Variants in SFI1 observed in about 807,000 individuals in gnomAD.
The protein encoded by SFI1 is SFI1 centrin binding protein, also known as protein SFI1 homolog.
SFI1 carries 195 observed loss-of-function variants against 207.5 expected under a neutral mutation model. The observed-to-expected ratio is 0.94, with a 90% confidence interval of 0.84 to 1.06. The LOEUF (loss-of-function observed/expected upper bound fraction) is 1.06. Among genes scored for constraint, SFI1 ranks in the 50% least tolerant of loss-of-function variants. The pLI is 0.00. For missense variants in SFI1, 1,634 were observed against 1,588.0 expected (o/e 1.03, Z -0.49); for synonymous variants, 630 against 598.9 (o/e 1.05, Z -0.76).
intron 7 of SFI1, among the ~76,000 whole-genome samples, chr22:31,557,426 C>T (rs1056039324): frequency 1.4e-4 from 22 of 151,738 alleles, no homozygotes; most frequent in African/African-American, 5.1e-4. Flanking sequence ...TGGGCTCAAG[C>T]GATCTGCCCA....
intron 14 of SFI1, among the ~76,000 whole-genome samples, chr22:31,586,499 C>T (rs2065044381): frequency 6.6e-6 from 1 of 152,234 alleles, no homozygotes; most frequent in Non-Finnish European, 1.5e-5. Flanking sequence ...GTCGATAGAG[C>T]TTGGATGCTA....
Position 31,533,044 on chromosome 22 carries a change from G to A in SFI1, c.338+1915G>A, listed in dbSNP as rs981526127. On this transcript the variant is annotated intron_variant, in intron 4 of 32. Transcript: ENST00000400288. ...AATAGAGGCGTTAACATGATCCAAG[G>A]GTGGAGTTTTTGGCCCTCAGGCATC... Among the ~76,000 whole-genome samples the A allele has an allele frequency of 3.3e-5, 5 of 152,132 alleles. 1 individual carries two copies. In the South Asian group the frequency reaches 1.0e-3, roughly 32 times the overall value.
intron 22 of SFI1, 24 bp from the exon 23 acceptor site, chr22:31,611,119 A>C (rs758591047): frequency 6.2e-7 from 1 of 1,614,134 alleles, no homozygotes; most frequent in Non-Finnish European, 8.5e-7. Context: ...CAAAACAGCA[A>C]ACTCTGACTT....
At chr22:31,576,307 G>A (rs1035447427) in intron 10 of SFI1, among the ~76,000 whole-genome samples, 1 of 148,860 alleles carries the variant, frequency 6.7e-6, no homozygotes, top group African/African-American at 2.5e-5. Flanking sequence ...TTACAGGCAT[G>A]AGCCAGCGTA....
intron 2 of SFI1, among the ~76,000 whole-genome samples, chr22:31,511,849 G>A (rs942349112): frequency 2.6e-5 from 4 of 151,818 alleles, no homozygotes; most frequent in African/African-American, 7.3e-5. Context: ...AAGGAGCTTC[G>A]CCATGTTGGT....
intron 27 of SFI1, 179 bp downstream of exon 27, chr22:31,614,034 A>T: frequency 1.2e-6 from 1 of 813,792 alleles, no homozygotes; most frequent in Non-Finnish European, 1.8e-6. Flanking sequence ...GGCAAGAGGG[A>T]GAGAATGGAG....
rs1185966540 is a variant in SFI1 at position 31,602,637 on chromosome 22, T to C, written c.1657T>C (p.Tyr553His). Residue 553 changes from tyrosine to histidine, a missense_variant, in exon 17 of 33, where the codon TAT (tyrosine) becomes CAT (histidine). By Grantham distance (83) the Tyr-to-His change is moderately conservative (BLOSUM62 2). Transcript: ENST00000400288. ...AILHAERQLL[Y>H]RSWFMWHQQA... is the part of the protein sequence containing the mutation. Reference sequence around the variant, plus strand: ...CCTTCACGCAGAGCGACAGCTTCTGTATAGGTCTTGGTTCATGTGGCACCA... The same window carrying C: ...CCTTCACGCAGAGCGACAGCTTCTGCATAGGTCTTGGTTCATGTGGCACCA... 4 of 1,614,046 alleles carry C rather than the reference T, an allele frequency of 2.5e-6. No homozygotes were observed. The African/African-American group carries it at 5.3e-5, about 22-fold the overall frequency.
At chr22:31,506,754 T>C (rs1237858090) in intron 1 of SFI1, among the ~76,000 whole-genome samples, 1 of 152,160 alleles carries the variant, frequency 6.6e-6, no homozygotes, top group Non-Finnish European at 1.5e-5. Context: ...GAATTCCTAT[T>C]CACAGTTGCC....
At chr22:31,586,629 G>T (rs62237801) in intron 14 of SFI1, among the ~76,000 whole-genome samples, 6,909 of 152,266 alleles carry the variant, frequency 0.045, 136 homozygotes, top group African/African-American at 0.053. Flanking sequence ...ATTGCCACTT[G>T]TTATCTTAAG....
In SFI1 at chr22:31,615,162, T is replaced by C; in HGVS notation, c.3183T>C (p.Pro1061=). Reference sequence around the variant, plus strand: ...CACTGGTCCCACACAGCCCCCTGCCTGGGGCCCTGTCAAGCGCCCCTGGCC... The same window carrying C: ...CACTGGTCCCACACAGCCCCCTGCCCGGGGCCCTGTCAAGCGCCCCTGGCC... ...PTALVPHSPL[P]GALSSAPGPK... Residue 1061 remains proline, a synonymous_variant, in exon 29 of 33, where the codon CCT becomes CCC. Transcript: ENST00000400288. 4 of 1,605,834 alleles carry C rather than the reference T, an allele frequency of 2.5e-6. No individual in the cohort carries two copies. The South Asian group carries it at 4.4e-5, about 18-fold the overall frequency.
At position 31,618,145 on chromosome 22, in the gene SFI1, CA is replaced by C. The variant is rs757145483; in HGVS notation, c.3544del (p.Arg1182GlyfsTer5). 1.3e-6 allele frequency: 2 copies of C among 1,586,564 alleles called. No individual in the cohort carries two copies. Among genetic ancestry groups the C allele is most frequent in the East Asian group, 4.5e-5 (2 of 43,972 alleles). ...SCRRQASSLR[R>X]WLELNREEPG... ...GTCGGCGGCAAGCGAGCAGCCTGCG[CA>C]GGTGGCTGGAGCTGAACAGAGAGGA... is the stretch of plus-strand genomic sequence containing the variant. On this transcript the variant is annotated frameshift_variant, in exon 32 of 33. Coordinates refer to ENST00000400288, the MANE Select transcript of SFI1 (RefSeq NM_001007467.3). LOFTEE classifies it high-confidence loss of function.
intron 27 of SFI1, 134 bp from the exon 28 acceptor site, chr22:31,614,655 A>G (rs2071046974): frequency 1.0e-6 from 1 of 992,820 alleles, no homozygotes; most frequent in Non-Finnish European, 1.6e-6. Context: ...GGCCCACCCC[A>G]GCTTACTTGC....
chr22:31,511,201 C>T (rs1253656522), intron 2 of SFI1, among the ~76,000 whole-genome samples: 1 of 152,016 alleles, frequency 6.6e-6, no homozygotes, highest in East Asian at 1.9e-4. Context: ...TTGGTTGATC[C>T]AGCAAGGGTC....
At position 31,546,842 on chromosome 22, in the gene SFI1, GA is replaced by G; in HGVS notation, c.339-18del. The G allele has an allele frequency of 1.4e-6, 2 of 1,404,438 alleles. No homozygotes were observed. The highest frequency in any genetic ancestry group is 2.0e-6 in the Non-Finnish European group (2 of 1,008,304). The allele number at this position is 1,404,438 out of a possible 1,614,324, so 87.0% of individuals were successfully genotyped here. The stretch of plus-strand genomic sequence containing the variant: ...CTCCAACATCATCATATATATATAT[GA>G]TTTTTTTTTTGCCGTAGATTTTACT... On this transcript the variant is annotated intron_variant, in intron 4 of 32. Transcript: ENST00000400288.
Position 31,617,025 on chromosome 22 carries a change from TGAG to T in SFI1, c.3463_3465del (p.Glu1155del), listed in dbSNP as rs758298422. On this transcript the variant is annotated inframe_deletion, in exon 31 of 33. Transcript: ENST00000400288. The stretch of plus-strand genomic sequence containing the variant: ...GCAGCCTGGACCTTGAGGCTGAACT[TGAG>T]GAGATCCAGCAGCAACTACTGCACT... The T allele has an allele frequency of 2.7e-5, 43 of 1,613,876 alleles. No homozygotes were observed. The highest frequency in any genetic ancestry group is 3.3e-5 in the Non-Finnish European group (39 of 1,180,018).
chr22:31,553,838 GTTTTTTTTTTTTT>G (rs58333559), intron 6 of SFI1, among the ~76,000 whole-genome samples: 6 of 26,308 alleles, frequency 2.3e-4, no homozygotes, highest in Admixed American at 2.1e-3. Flanking sequence ...AATGGATTAT[GTTTTTTTTTTTTT>G]TTTTTTTTTT....
intron 12 of SFI1, among the ~76,000 whole-genome samples, 156 bp downstream of exon 12, chr22:31,580,520 T>G (rs941142345): frequency 1.3e-5 from 2 of 151,506 alleles, no homozygotes; most frequent in Admixed American, 1.3e-4. Flanking sequence ...TTAGTTTGCA[T>G]TTTCTTTCTT....
intron 22 of SFI1, among the ~76,000 whole-genome samples, chr22:31,610,057 G>A (rs910843056): frequency 2.6e-5 from 4 of 152,196 alleles, no homozygotes; most frequent in Non-Finnish European, 5.9e-5. Context: ...TGGGAGACTG[G>A]GCTGCAAGAC....
intron 23 of SFI1, 43 bp from the exon 24 acceptor site, chr22:31,611,723 G>T: frequency 6.3e-7 from 1 of 1,591,726 alleles, no homozygotes; most frequent in Non-Finnish European, 8.6e-7. Context: ...GGCTGTCTAG[G>T]CTGGGTCAGG....
Sources: gnomAD v4.1 joint callset for allele counts (sites outside exome capture counted in the v4.1 genomes callset) on GRCh38, gnomAD v4.1.1 for gene constraint, MANE v1.5 for transcripts, NCBI Gene and HGNC (gene_info 2026-07-23, HGNC 2026-07-21) for gene names.